C12orf42: variants seen among roughly 807,000 people sequenced by gnomAD.
C12orf42 encodes the protein uncharacterized protein C12orf42.
In C12orf42, 25 loss-of-function variants were observed where a neutral mutation model predicts 21.6. The observed-to-expected ratio is 1.16, with a 90% CI of 0.84 to 1.62. The LOEUF is 1.62. C12orf42 is among the 40% of genes most tolerant of loss of function. C12orf42 has a pLI of 0.00. For synonymous variants in C12orf42, 174 were observed against 175.0 expected (o/e 0.99, Z 0.05); for missense variants, 483 against 459.3 (o/e 1.05, Z -0.47).
the C12orf42 span, among the ~76,000 whole-genome samples, chr12:103,224,972 A>G: frequency 1.3e-5 from 2 of 152,190 alleles, no homozygotes; most frequent in Admixed American, 1.3e-4. Context: ...TATGAGAATT[A>G]TGCCGAGATA....
intron 2 of C12orf42, among the ~76,000 whole-genome samples, chr12:103,465,405 A>G (rs1047153968): frequency 6.6e-6 from 1 of 151,922 alleles, no homozygotes; most frequent in African/African-American, 2.4e-5. Context: ...CTGCTTGTCA[A>G]TTGTTGGTGT....
At chr12:103,336,370 G>T (rs1259504530) in intron 4 of C12orf42, among the ~76,000 whole-genome samples, 1 of 152,124 alleles carries the variant, frequency 6.6e-6, no homozygotes, top group African/African-American at 2.4e-5. Context: ...AAAACTGAGG[G>T]GCAATGGCAT....
At chr12:103,152,965 C>G in the C12orf42 span, among the ~76,000 whole-genome samples, 3 of 152,116 alleles carry the variant, frequency 2.0e-5, no homozygotes, top group Non-Finnish European at 2.9e-5. Context: ...TAAACTCCAG[C>G]AGTTTTTACT....
At chr12:103,560,498 C>T in the C12orf42 span, among the ~76,000 whole-genome samples, 1 of 92,956 alleles carries the variant, frequency 1.1e-5, no homozygotes, top group Admixed American at 1.1e-4. Flanking sequence ...TGTAAGGATC[C>T]CTGGATTCAC....
chr12:103,534,420 A>T, the C12orf42 span, among the ~76,000 whole-genome samples: 4 of 152,138 alleles, frequency 2.6e-5, no homozygotes, highest in Non-Finnish European at 5.9e-5. Flanking sequence ...CCATAAAAGG[A>T]ATCCCCAGTA....
At chr12:103,383,634 T>C (rs1240049053) in intron 3 of C12orf42, among the ~76,000 whole-genome samples, 1 of 152,186 alleles carries the variant, frequency 6.6e-6, no homozygotes, top group Non-Finnish European at 1.5e-5. Flanking sequence ...CTAATACACA[T>C]TTTTGAAAAT....
At chr12:103,552,387 C>A in the C12orf42 span, among the ~76,000 whole-genome samples, 2 of 152,068 alleles carry the variant, frequency 1.3e-5, no homozygotes, top group Non-Finnish European at 2.9e-5. Context: ...GCTATCAAAT[C>A]TATTTATTAA....
chr12:103,220,059 C>T, the C12orf42 span, among the ~76,000 whole-genome samples: 1 of 152,204 alleles, frequency 6.6e-6, no homozygotes, highest in African/African-American at 2.4e-5. Flanking sequence ...GGCACATATA[C>T]ATCATGGAAT....
the C12orf42 span, among the ~76,000 whole-genome samples, chr12:103,084,223 C>G: frequency 1.3e-5 from 2 of 152,186 alleles, no homozygotes; most frequent in African/African-American, 2.4e-5. Flanking sequence ...CAGACTTGCT[C>G]TTTCTTGTCA....
At chr12:103,555,475 G>A in the C12orf42 span, among the ~76,000 whole-genome samples, 1 of 152,124 alleles carries the variant, frequency 6.6e-6, no homozygotes, top group Non-Finnish European at 1.5e-5. Flanking sequence ...AGATTTGGGT[G>A]GGGACACAGC....
chr12:103,225,033 C>T, the C12orf42 span, among the ~76,000 whole-genome samples: 2 of 152,116 alleles, frequency 1.3e-5, no homozygotes, highest in African/African-American at 4.8e-5. Context: ...TGGGGGCTGT[C>T]TATGAAGCCT....
At chr12:103,341,218 G>C (rs909851069) in intron 4 of C12orf42, among the ~76,000 whole-genome samples, 7 of 151,822 alleles carry the variant, frequency 4.6e-5, no homozygotes, top group African/African-American at 1.7e-4. Context: ...GCCAGGCATG[G>C]TGGCACATGC....
At chr12:103,051,413 G>A in the C12orf42 span, among the ~76,000 whole-genome samples, 2 of 152,124 alleles carry the variant, frequency 1.3e-5, no homozygotes, top group Non-Finnish European at 2.9e-5. Context: ...GCACGAGGAG[G>A]CCCTGGAGAG....
chr12:103,412,160 T>G (rs1015038093), intron 2 of C12orf42, among the ~76,000 whole-genome samples: 47 of 152,212 alleles, frequency 3.1e-4, no homozygotes, highest in African/African-American at 1.0e-3. Context: ...ACATTTTAAC[T>G]GAGTTTAAAT....
At chr12:103,192,264 G>A in the C12orf42 span, among the ~76,000 whole-genome samples, 1 of 151,988 alleles carries the variant, frequency 6.6e-6, no homozygotes, top group Non-Finnish European at 1.5e-5. Flanking sequence ...CAGAACTTTG[G>A]GAGACTGAGG....
At chr12:103,365,462 A>G (rs1222356857) in intron 4 of C12orf42, among the ~76,000 whole-genome samples, 1 of 150,760 alleles carries the variant, frequency 6.6e-6, no homozygotes, top group Non-Finnish European at 1.5e-5. Context: ...ATAGTACTGG[A>G]AGTCCTAGCC....
At position 103,338,235 on chromosome 12, in the gene C12orf42, T is replaced by C. The variant is rs17488826; in HGVS notation, c.259+30652A>G. Among the ~76,000 whole-genome samples, 521 of 152,358 alleles carry C rather than the reference T, an allele frequency of 3.4e-3. 3 individuals are homozygous for C. Among genetic ancestry groups the C allele is most frequent in the Middle Eastern group, 0.01 (3 of 294 alleles). On this transcript the variant is annotated intron_variant, in intron 4 of 5. Coordinates refer to ENST00000548883, the MANE Select transcript of C12orf42 (RefSeq NM_198521.5). The stretch of plus-strand genomic sequence containing the variant: ...CATATCATATGCAGTGGTACAGCCA[T>C]AAAGTTCTATCTCTTTTGTGCACCA...
At chr12:103,286,119 C>T (rs1272883435) in intron 4 of C12orf42, among the ~76,000 whole-genome samples, 2 of 151,992 alleles carry the variant, frequency 1.3e-5, no homozygotes, top group Non-Finnish European at 2.9e-5. Context: ...GGCGTGGTGG[C>T]AGGCGCCTGT....
chr12:103,549,824 G>A, the C12orf42 span, among the ~76,000 whole-genome samples: 1 of 152,116 alleles, frequency 6.6e-6, no homozygotes, highest in Non-Finnish European at 1.5e-5. Flanking sequence ...TCTTGGAGTT[G>A]TCAGCCGCTG....
Sources: gnomAD v4.1 joint callset for allele counts (sites outside exome capture counted in the v4.1 genomes callset) on GRCh38, gnomAD v4.1.1 for gene constraint, MANE v1.5 for transcripts, NCBI Gene and HGNC (gene_info 2026-07-23, HGNC 2026-07-21) for gene names.